DDX60L: variants seen among roughly 807,000 people sequenced by gnomAD.
The protein encoded by DDX60L is DExD/H-box 60 like.
A neutral mutation model predicts 211.6 loss-of-function variants in DDX60L; 191 were observed. That is an observed-to-expected ratio of 0.90 (90% CI 0.80 to 1.02). DDX60L has a LOEUF of 1.02. Ranked by LOEUF, DDX60L falls within the 50% of genes least tolerant of loss-of-function variation. The probability of loss-of-function intolerance (pLI) is 0.00; values close to 1 mark genes in which losing one functional copy is unlikely to be tolerated. For missense variants in DDX60L, 2,007 were observed against 1,984.1 expected, an observed-to-expected ratio of 1.01 and a Z score of -0.22; for synonymous variants, 706 against 694.1, an observed-to-expected ratio of 1.02 and a Z score of -0.27.
intron 10 of DDX60L, among the ~76,000 whole-genome samples, chr4:168,434,587 A>C (rs572438341): frequency 6.6e-6 from 1 of 152,366 alleles, no homozygotes; most frequent in Non-Finnish European, 1.5e-5. Flanking sequence ...GCAGGGGCCA[A>C]GTGGCAGCAC....
intron 10 of DDX60L, among the ~76,000 whole-genome samples, chr4:168,439,251 T>A (rs1753488215): frequency 6.6e-6 from 1 of 152,136 alleles, no homozygotes; most frequent in South Asian, 2.1e-4. Flanking sequence ...TGGATGTTGT[T>A]GTAAAGGTAT....
chr4:168,458,518 C>T (rs779658961), intron 5 of DDX60L, among the ~76,000 whole-genome samples: 2 of 152,094 alleles, frequency 1.3e-5, no homozygotes, highest in African/African-American at 2.4e-5. Flanking sequence ...ATGGATGGAG[C>T]TCGAAGCCAT....
At chr4:168,405,538 T>C (rs1451689100) in intron 24 of DDX60L, among the ~76,000 whole-genome samples, 1 of 152,238 alleles carries the variant, frequency 6.6e-6, no homozygotes, top group Non-Finnish European at 1.5e-5. Flanking sequence ...AGAAATTGGT[T>C]ATTTTTAAAT....
rs56008717 is a variant in DDX60L at position 168,449,864 on chromosome 4, G to A, written c.997-1085C>T. On this transcript the variant is annotated intron_variant, in intron 8 of 37. Coordinates refer to ENST00000682922, the MANE Select transcript of DDX60L (RefSeq NM_001012967.3). ...AGAAGTAGGGATTGAAACCACCATT[G>A]CAAAATTATGACTGAAACGGTGAAA... Among the ~76,000 whole-genome samples, 1,011 of 150,512 alleles carry A rather than the reference G, an allele frequency of 6.7e-3. 14 individuals carry two copies. The highest frequency in any genetic ancestry group is 0.021 in the African/African-American group (841 of 40,842).
At chr4:168,450,991 A>C (rs1056401053) in intron 8 of DDX60L, among the ~76,000 whole-genome samples, 46 of 152,104 alleles carry the variant, frequency 3.0e-4, no homozygotes, top group Non-Finnish European at 2.6e-4. Flanking sequence ...TCTTGTCAAC[A>C]TCCTCATATT....
chr4:168,458,426 G>A (rs1380406987), intron 5 of DDX60L, among the ~76,000 whole-genome samples: 1 of 152,156 alleles, frequency 6.6e-6, no homozygotes, highest in Non-Finnish European at 1.5e-5. Flanking sequence ...ATCATAGATT[G>A]GATAAAGAAA....
At chr4:168,432,974 G>A (rs751431407) in intron 11 of DDX60L, 36 bp downstream of exon 11, 1 of 1,365,046 alleles carries the variant, frequency 7.3e-7, no homozygotes. Flanking sequence ...TTTTCAAGTT[G>A]ATGGCACTAA....
chr4:168,444,507 T>A, intron 9 of DDX60L, among the ~76,000 whole-genome samples: 2 of 85,596 alleles, frequency 2.3e-5, no homozygotes, highest in African/African-American at 9.5e-5. Context: ...GGAATTGAAC[T>A]CAGCTCTGCA....
chr4:168,454,793 ATGT>A (rs1426973524), intron 7 of DDX60L, among the ~76,000 whole-genome samples: 9 of 83,592 alleles, frequency 1.1e-4, no homozygotes, highest in South Asian at 4.1e-4. Context: ...AGCTAGAAGA[ATGT>A]TGTTGTCATT....
chr4:168,430,201 GAAAAGAAAAAGA>G (rs1035062154), intron 13 of DDX60L, among the ~76,000 whole-genome samples: 1 of 151,916 alleles, frequency 6.6e-6, no homozygotes, highest in East Asian at 1.9e-4. Flanking sequence ...CTCCATCTCA[GAAAAGAAAAAGA>G]AAAAGAAAAA....
intron 36 of DDX60L, among the ~76,000 whole-genome samples, chr4:168,365,845 T>C (rs1739888269): frequency 6.6e-6 from 1 of 152,138 alleles, no homozygotes; most frequent in Admixed American, 6.5e-5. Flanking sequence ...GGGGGATTTA[T>C]CCAGGGAATG....
At chr4:168,448,949 T>C (rs1460534205) in intron 8 of DDX60L, among the ~76,000 whole-genome samples, 170 bp from the exon 9 acceptor site, 4 of 152,198 alleles carry the variant, frequency 2.6e-5, no homozygotes, top group Non-Finnish European at 5.9e-5. Flanking sequence ...ACTAATGCTT[T>C]CATATCTTTA....
chr4:168,458,821 A>AT (rs1000461261), intron 5 of DDX60L, among the ~76,000 whole-genome samples: 4 of 152,208 alleles, frequency 2.6e-5, no homozygotes. Context: ...AGTTAAATTA[A>AT]TTTTTTTAGT....
chr4:168,400,330 C>T (rs899682458), intron 26 of DDX60L, among the ~76,000 whole-genome samples: 1 of 152,144 alleles, frequency 6.6e-6, no homozygotes, highest in Non-Finnish European at 1.5e-5. Flanking sequence ...TGAACATATG[C>T]ATGCATGTAT....
intron 10 of DDX60L, among the ~76,000 whole-genome samples, chr4:168,434,823 G>T (rs1402931804): frequency 6.6e-6 from 1 of 152,152 alleles, no homozygotes; most frequent in Non-Finnish European, 1.5e-5. Flanking sequence ...ACCAGTCATA[G>T]CTCCTTAATC....
At chr4:168,392,602 G>C (rs750607215) in intron 28 of DDX60L, among the ~76,000 whole-genome samples, 2 of 152,092 alleles carry the variant, frequency 1.3e-5, no homozygotes, top group Non-Finnish European at 2.9e-5. Context: ...TCAGCACTTT[G>C]GGAGGCCAAG....
intron 5 of DDX60L, 21 bp from the exon 6 acceptor site, chr4:168,458,029 T>C (rs1442273263): frequency 2.2e-6 from 3 of 1,353,072 alleles, no homozygotes; most frequent in Non-Finnish European, 3.0e-6. Flanking sequence ...GAGAAAACCA[T>C]ATAAAATATC....
chr4:168,435,816 G>A (rs537159392), intron 10 of DDX60L, among the ~76,000 whole-genome samples: 1 of 152,266 alleles, frequency 6.6e-6, no homozygotes, highest in South Asian at 2.1e-4. Flanking sequence ...CTCGGATCTA[G>A]TGAATAAGAA....
At chr4:168,386,885 A>T (rs1743985506) in intron 29 of DDX60L, among the ~76,000 whole-genome samples, 1 of 152,344 alleles carries the variant, frequency 6.6e-6, no homozygotes, top group South Asian at 2.1e-4. Flanking sequence ...CATGAGCATA[A>T]GAATATACAT....
Sources: gnomAD v4.1 joint callset for allele counts (sites outside exome capture counted in the v4.1 genomes callset) on GRCh38, gnomAD v4.1.1 for gene constraint, MANE v1.5 for transcripts, NCBI Gene and HGNC (gene_info 2026-07-23, HGNC 2026-07-21) for gene names.